The following PHAX variants were observed in gnomAD, a reference collection of about 807,000 sequenced individuals.
The protein encoded by PHAX is phosphorylated adapter RNA export protein.
A neutral mutation model predicts 41.6 loss-of-function variants in PHAX; 31 were observed. The observed-to-expected ratio is 0.75, with a 90% CI of 0.56 to 1.01. PHAX has a LOEUF of 1.01. Ranked by LOEUF, PHAX falls within the 50% of genes least tolerant of loss-of-function variation. PHAX has a pLI of 0.00. For synonymous variants in PHAX, 175 were observed against 164.9 expected (o/e 1.06, Z -0.47); for missense variants, 453 against 472.9 (o/e 0.96, Z 0.39).
intron 4 of PHAX, among the ~76,000 whole-genome samples, chr5:126,620,573 T>C (rs1382643497): frequency 6.6e-6 from 1 of 152,230 alleles, no homozygotes; most frequent in Non-Finnish European, 1.5e-5. Context: ...TTATTTTCAC[T>C]GTATTATGTC....
In PHAX at chr5:126,617,351, A is replaced by G. The variant is rs1277572589; in HGVS notation, c.915+18A>G. 1 of 1,462,252 alleles carries G rather than the reference A, an allele frequency of 6.8e-7. No individual in the cohort carries two copies. The highest frequency in any genetic ancestry group is 2.3e-5 in the East Asian group (1 of 43,956). The allele number at this position is 1,462,252 out of a possible 1,614,324, so 90.6% of individuals were successfully genotyped here. A position where few individuals can be genotyped will look rare whatever the true frequency, so the allele number is the denominator to read the frequency against. On this transcript the variant is annotated intron_variant, in intron 4 of 4. Coordinates refer to ENST00000297540, the MANE Select transcript of PHAX (RefSeq NM_032177.4). ...AAATTAAGGTAATGATAATGTCCTC[A>G]CCTCTTAAGCGCCATCATAATTTGA...
Position 126,624,926 on chromosome 5 carries a change from G to A in PHAX, c.*82G>A, listed in dbSNP as rs1369625878. On this transcript the variant is annotated 3_prime_UTR_variant, in exon 5 of 5. Coordinates refer to ENST00000297540, the MANE Select transcript of PHAX (RefSeq NM_032177.4). ...ATTTTTACTGAGATTGCAACGTTTT[G>A]CACTGATAAACATGAGAATCTGGAG... 1 of 1,245,846 alleles carries A rather than the reference G, an allele frequency of 8.0e-7. No homozygotes were observed. Among genetic ancestry groups the A allele is most frequent in the African/African-American group, 1.5e-5 (1 of 66,454 alleles). The allele number at this position is 1,245,846 out of a possible 1,614,324, so 77.2% of individuals were successfully genotyped here.
intron 1 of PHAX, among the ~76,000 whole-genome samples, chr5:126,601,678 T>C (rs1027148248): frequency 2.0e-5 from 3 of 152,158 alleles, no homozygotes; most frequent in African/African-American, 7.2e-5. Context: ...TGATTTTGTT[T>C]GTTGTTTTGA....
At chr5:126,616,860 G>A (rs749182489) in intron 3 of PHAX, among the ~76,000 whole-genome samples, 23 of 138,022 alleles carry the variant, frequency 1.7e-4, no homozygotes, top group African/African-American at 6.0e-4. Flanking sequence ...CAGCCTGAGC[G>A]AAAGAGTGAA....
At chr5:126,621,683 CAA>C (rs1055241863) in intron 4 of PHAX, among the ~76,000 whole-genome samples, 1 of 151,384 alleles carries the variant, frequency 6.6e-6, no homozygotes, top group African/African-American at 2.4e-5. Flanking sequence ...TTGAAAAATA[CAA>C]AGTTTTCTGA....
intron 4 of PHAX, among the ~76,000 whole-genome samples, chr5:126,620,824 G>A (rs143675445): frequency 2.6e-5 from 4 of 151,078 alleles, no homozygotes; most frequent in Non-Finnish European, 4.4e-5. Flanking sequence ...TGCATCCTCC[G>A]CCTCCCAGCT....
intron 3 of PHAX, among the ~76,000 whole-genome samples, chr5:126,610,323 A>G (rs1380213056): frequency 6.6e-6 from 1 of 152,220 alleles, no homozygotes; most frequent in Non-Finnish European, 1.5e-5. Flanking sequence ...GTGAGGATGA[A>G]GGTTTGAATG....
chr5:126,612,833 A>C (rs1036216860), intron 3 of PHAX, among the ~76,000 whole-genome samples: 1 of 152,178 alleles, frequency 6.6e-6, no homozygotes, highest in African/African-American at 2.4e-5. Context: ...GTGAAGGAAA[A>C]GTGGTCAGAT....
intron 4 of PHAX, among the ~76,000 whole-genome samples, chr5:126,622,442 A>ATTTTTTTTTT (rs56297404): frequency 1.8e-5 from 1 of 56,068 alleles, no homozygotes; most frequent in Non-Finnish European, 3.3e-5. Context: ...TAATTTTTGT[A>ATTTTTTTTTT]TTTTTTTTTT....
chr5:126,615,623 C>T (rs1752172317), intron 3 of PHAX, among the ~76,000 whole-genome samples: 1 of 150,466 alleles, frequency 6.6e-6, no homozygotes, highest in Non-Finnish European at 1.5e-5. Context: ...CTGTGACATG[C>T]GTTAGAGAGA....
At position 126,624,841 on chromosome 5, in the gene PHAX, T is replaced by C; in HGVS notation, c.1182T>C (p.Phe394=). 1 of 1,601,378 alleles carries C rather than the reference T, an allele frequency of 6.2e-7. No homozygotes were observed. The highest frequency in any genetic ancestry group is 8.5e-7 in the Non-Finnish European group (1 of 1,175,084). Residue 394 remains phenylalanine (F), a synonymous_variant, in exon 5 of 5, where the codon TTT becomes TTC. Transcript: ENST00000297540. ...ATCATTCTCATGATTTGGACATCTT[T>C]TAAGTACATTTTCAACAGTTTGAGG... The part of the protein sequence containing the change: ...EVDHSHDLDI[F]
At position 126,627,184 on chromosome 5, in the gene PHAX, A is replaced by G. The variant is rs1338099534; in HGVS notation, c.*2340A>G. On this transcript the variant is annotated 3_prime_UTR_variant, in exon 5 of 5. Coordinates refer to ENST00000297540, the MANE Select transcript of PHAX (RefSeq NM_032177.4). The stretch of plus-strand genomic sequence containing the variant: ...GTCATTGAAGTTGGATCTAAGAGGA[A>G]AGTGGTTATCGGTTGCTTTTTATTT... The G allele has an allele frequency of 6.6e-6, 1 of 152,176 alleles. No individual in the cohort carries two copies. Among genetic ancestry groups the G allele is most frequent in the East Asian group, 1.9e-4 (1 of 5,202 alleles). The allele number at this position is 152,176 out of a possible 1,614,324, so 9.4% of individuals were successfully genotyped here.
intron 3 of PHAX, among the ~76,000 whole-genome samples, chr5:126,611,263 A>T (rs766137393): frequency 2.6e-5 from 4 of 152,156 alleles, no homozygotes; most frequent in Non-Finnish European, 2.9e-5. Context: ...CATGTTGAGC[A>T]GGCTGGTCTC....
chr5:126,606,393 C>T (rs1480121645), intron 2 of PHAX, among the ~76,000 whole-genome samples: 2 of 152,136 alleles, frequency 1.3e-5, no homozygotes, highest in Admixed American at 1.3e-4. Context: ...GACAGGGTTT[C>T]GCCATGTTGG....
chr5:126,621,328 G>C (rs7734012), intron 4 of PHAX, among the ~76,000 whole-genome samples: 1 of 151,862 alleles, frequency 6.6e-6, no homozygotes, highest in Non-Finnish European at 1.5e-5. Context: ...AGCTGGGACT[G>C]TAGGGCACAT....
rs752782588 is a variant in PHAX, at chr5:126,624,585, A to G, written c.926A>G (p.Tyr309Cys). 217 of 1,591,990 alleles carry G rather than the reference A, an allele frequency of 1.4e-4. 1 individual carries two copies. The highest frequency in any genetic ancestry group is 1.8e-4 in the Non-Finnish European group (207 of 1,172,654). Residue 309 changes from tyrosine to cysteine, a missense_variant, in exon 5 of 5, where the codon TAC becomes TGC. Coordinates refer to ENST00000297540, the MANE Select transcript of PHAX (RefSeq NM_032177.4). ...ISEEQIKDIFYIENQKEYENK... is the reference protein window; with the variant it reads ...ISEEQIKDIFCIENQKEYENK... ...GTTCCTTTATTACAGGACATTTTCT[A>G]CATTGAAAACCAAAAGGAATATGAA...
In PHAX at chr5:126,625,335, G is replaced by A. The variant is rs149552170; in HGVS notation, c.*491G>A. The A allele has an allele frequency of 8.4e-3, 1,288 of 154,120 alleles. 12 individuals carry two copies. Among genetic ancestry groups the A allele is most frequent in the Middle Eastern group, 0.023 (7 of 302 alleles). 9.5% of individuals were successfully genotyped at this position (154,120 alleles called of 1,614,324 possible). ...ACATTGGCCAGGCACGGTGGCTCACGCCTGTAATCCCAACACTTTAGGAGA... is the reference window on the plus strand; with the variant it reads ...ACATTGGCCAGGCACGGTGGCTCACACCTGTAATCCCAACACTTTAGGAGA... On this transcript the variant is annotated 3_prime_UTR_variant, in exon 5 of 5. Coordinates refer to ENST00000297540, the MANE Select transcript of PHAX (RefSeq NM_032177.4).
At chr5:126,602,334 T>C (rs1383077256) in intron 1 of PHAX, among the ~76,000 whole-genome samples, 3 of 152,262 alleles carry the variant, frequency 2.0e-5, no homozygotes, top group Non-Finnish European at 4.4e-5. Context: ...CCAGGCTGCC[T>C]GTGTTCAGAT....
chr5:126,621,225 A>G (rs1036510893), intron 4 of PHAX, among the ~76,000 whole-genome samples: 5 of 151,598 alleles, frequency 3.3e-5, no homozygotes, highest in African/African-American at 7.3e-5. Context: ...GTCTCCTGCT[A>G]TCACTCAGGC....
Sources: gnomAD v4.1 joint callset for allele counts (sites outside exome capture counted in the v4.1 genomes callset) on GRCh38, gnomAD v4.1.1 for gene constraint, MANE v1.5 for transcripts, NCBI Gene and HGNC (gene_info 2026-07-23, HGNC 2026-07-21) for gene names.